NPSR1: variants seen among roughly 807,000 people sequenced by gnomAD.
The protein encoded by NPSR1 is neuropeptide S receptor.
NPSR1 carries 48 observed loss-of-function variants against 46.9 expected under a neutral mutation model. The ratio of observed to expected loss-of-function variants is 1.02; its 90% CI spans 0.81 to 1.30. The LOEUF (loss-of-function observed/expected upper bound fraction) is 1.30. NPSR1 is among the 50% of genes most tolerant of loss of function. NPSR1 has a pLI of 0.00. For synonymous variants in NPSR1, 176 were observed against 168.1 expected (o/e 1.05, Z -0.36); for missense variants, 450 against 449.5 (o/e 1.00, Z -0.01).
At chr7:34,659,156 C>T (rs752069417) in intron 1 of NPSR1, among the ~76,000 whole-genome samples, 1 of 152,224 alleles carries the variant, frequency 6.6e-6, no homozygotes, top group Non-Finnish European at 1.5e-5. Flanking sequence ...GTTTCACCTT[C>T]AAAGTATCCA....
At chr7:34,774,271 T>G (rs1786835583) in intron 2 of NPSR1, among the ~76,000 whole-genome samples, 1 of 152,178 alleles carries the variant, frequency 6.6e-6, no homozygotes, top group South Asian at 2.1e-4. Flanking sequence ...CAGCTAGTCA[T>G]AGAGAACCCC....
chr7:34,758,954 T>G (rs550965459), intron 2 of NPSR1, among the ~76,000 whole-genome samples: 4 of 152,350 alleles, frequency 2.6e-5, no homozygotes, highest in South Asian at 4.1e-4. Context: ...TAGCATAGGT[T>G]AGATATTTTG....
intron 3 of NPSR1, among the ~76,000 whole-genome samples, chr7:34,811,196 G>A (rs1788969798): frequency 6.6e-6 from 1 of 152,162 alleles, no homozygotes; most frequent in African/African-American, 2.4e-5. Flanking sequence ...GTCACACACA[G>A]ACTTGAAGGA....
intron 2 of NPSR1, among the ~76,000 whole-genome samples, chr7:34,731,491 G>C (rs1784414750): frequency 6.7e-6 from 1 of 148,602 alleles, no homozygotes; most frequent in African/African-American, 2.4e-5. Context: ...ATATTTAAAA[G>C]TACCCCTGGG....
At chr7:34,739,401 T>A (rs1784830460) in intron 2 of NPSR1, among the ~76,000 whole-genome samples, 1 of 152,176 alleles carries the variant, frequency 6.6e-6, no homozygotes, top group Non-Finnish European at 1.5e-5. Flanking sequence ...TGCCAGCACT[T>A]GTTATTTTCC....
chr7:34,744,607 T>C (rs898607080), intron 2 of NPSR1, among the ~76,000 whole-genome samples: 1 of 152,212 alleles, frequency 6.6e-6, no homozygotes, highest in African/African-American at 2.4e-5. Context: ...CCCCATTCCT[T>C]CTTCCTGTTT....
chr7:34,833,166 A>G (rs929221820), intron 5 of NPSR1, among the ~76,000 whole-genome samples: 1 of 152,224 alleles, frequency 6.6e-6, no homozygotes, highest in Non-Finnish European at 1.5e-5. Flanking sequence ...CTGCAAACTG[A>G]AGCTCTGATT....
intron 2 of NPSR1, chr7:34,711,559 T>C (rs528462003): frequency 1.3e-5 from 2 of 152,284 alleles, no homozygotes; most frequent in South Asian, 2.1e-4. Context: ...AAAAAATACA[T>C]AGTTAAAATA....
intron 2 of NPSR1, among the ~76,000 whole-genome samples, chr7:34,774,301 G>A (rs1786837688): frequency 6.6e-6 from 1 of 152,160 alleles, no homozygotes; most frequent in Non-Finnish European, 1.5e-5. Context: ...ATAAGTGTGA[G>A]CTATGCAAGG....
intron 2 of NPSR1, among the ~76,000 whole-genome samples, chr7:34,687,010 C>A (rs966604024): frequency 4.6e-5 from 7 of 150,612 alleles, no homozygotes; most frequent in Non-Finnish European, 8.8e-5. Context: ...CTTGCTTCAG[C>A]CTCACTATTC....
intron 1 of NPSR1, among the ~76,000 whole-genome samples, chr7:34,663,082 T>TGTGTGTTTGTGTGTGTGTGC (rs1791549840): frequency 8.6e-6 from 1 of 116,328 alleles, no homozygotes; most frequent in Non-Finnish European, 1.7e-5. Context: ...TGTGTGTGTG[T>TGTGTGTTTGTGTGTGTGTGC]ATGTGTGTGT....
intron 8 of NPSR1, among the ~76,000 whole-genome samples, chr7:34,873,221 C>G (rs1273988154): frequency 1.3e-5 from 2 of 151,920 alleles, no homozygotes; most frequent in South Asian, 4.1e-4. Flanking sequence ...ACCATTTAGC[C>G]AGTCTACAAG....
chr7:34,845,860 G>A (rs1383999964), intron 7 of NPSR1, among the ~76,000 whole-genome samples: 3 of 152,168 alleles, frequency 2.0e-5, no homozygotes. Flanking sequence ...AAAGGGATTT[G>A]TGCTATTTTC....
At chr7:34,876,751 C>A (rs1253445865) in intron 8 of NPSR1, among the ~76,000 whole-genome samples, 1 of 152,216 alleles carries the variant, frequency 6.6e-6, no homozygotes, top group Non-Finnish European at 1.5e-5. Context: ...TCTCTTGAGT[C>A]ATGACCTCTA....
intron 1 of NPSR1, among the ~76,000 whole-genome samples, chr7:34,663,324 C>T (rs1791569264): frequency 6.6e-6 from 1 of 152,058 alleles, no homozygotes. Flanking sequence ...GAATCCCTGT[C>T]TCTCAATCCC....
At chr7:34,785,898 AC>A (rs1210829387) in intron 3 of NPSR1, among the ~76,000 whole-genome samples, 1 of 152,192 alleles carries the variant, frequency 6.6e-6, no homozygotes, top group African/African-American at 2.4e-5. Context: ...AAAAAGATTA[AC>A]AGTCATCTGA....
chr7:34,718,078 A>G (rs1030170808), intron 2 of NPSR1, among the ~76,000 whole-genome samples: 3 of 152,246 alleles, frequency 2.0e-5, no homozygotes, highest in Non-Finnish European at 4.4e-5. Flanking sequence ...TTGAGAACCC[A>G]AAAGAATTTT....
In NPSR1 at chr7:34,696,173, G is replaced by C. The variant is rs1485568355; in HGVS notation, c.280+11489G>C. ...AAATCATGTCCTTTACAGAAACATA[G>C]ATAAAGCTAGAAGCCATTATACTAA... On this transcript the variant is annotated intron_variant, in intron 2 of 8. Transcript: ENST00000360581. 4.0e-5 allele frequency among the ~76,000 whole-genome samples: 6 copies of C among 149,526 alleles called. No homozygotes were observed. In the East Asian group the frequency reaches 1.2e-3, roughly 29 times the overall value.
intron 3 of NPSR1, among the ~76,000 whole-genome samples, chr7:34,780,147 G>A (rs1346550794): frequency 6.6e-6 from 1 of 152,066 alleles, no homozygotes; most frequent in Non-Finnish European, 1.5e-5. Context: ...TAGTCTCAAA[G>A]GTCATACACC....
Sources: gnomAD v4.1 joint callset for allele counts (sites outside exome capture counted in the v4.1 genomes callset) on GRCh38, gnomAD v4.1.1 for gene constraint, MANE v1.5 for transcripts, NCBI Gene and HGNC (gene_info 2026-07-23, HGNC 2026-07-21) for gene names.